RAB27A: variants seen among roughly 807,000 people sequenced by gnomAD.
RAB27A encodes RAB27A, member RAS oncogene family.
RAB27A carries 17 observed loss-of-function variants against 20.8 expected under a neutral mutation model. The observed-to-expected ratio is 0.82, with a 90% confidence interval of 0.56 to 1.23. The LOEUF (loss-of-function observed/expected upper bound fraction) is 1.23, where lower values mean the gene tolerates loss of function less well. Among genes scored for constraint, RAB27A ranks in the 50% most tolerant of loss-of-function variants. The pLI is 0.00. For missense variants in RAB27A, 277 were observed against 266.7 expected, an observed-to-expected ratio of 1.04 and a Z score of -0.27; for synonymous variants, 85 against 92.8, an observed-to-expected ratio of 0.92 and a Z score of 0.48.
intron 5 of RAB27A, among the ~76,000 whole-genome samples, chr15:55,228,349 G>C (rs1895890556): frequency 6.6e-6 from 1 of 152,198 alleles, no homozygotes; most frequent in South Asian, 2.1e-4. Flanking sequence ...CTGTGGGATA[G>C]ACTGAAGAGG....
chr15:55,234,736 GTTGAC>G, intron 3 of RAB27A, 41 bp downstream of exon 3: 2 of 1,560,798 alleles, frequency 1.3e-6, no homozygotes, highest in Non-Finnish European at 1.8e-6. Flanking sequence ...ACCAGCAAAT[GTTGAC>G]TTAACGATTA....
intron 1 of RAB27A, among the ~76,000 whole-genome samples, chr15:55,278,575 T>C (rs7165747): frequency 0.99 from 150,832 of 151,670 alleles, 75,009 homozygotes; most frequent in East Asian, 1. Flanking sequence ...CTCCACCTCC[T>C]GGGTTCACGC....
At chr15:55,232,800 T>C (rs1896084386) in intron 3 of RAB27A, among the ~76,000 whole-genome samples, 1 of 152,150 alleles carries the variant, frequency 6.6e-6, no homozygotes, top group South Asian at 2.1e-4. Context: ...TGGTTTTTCT[T>C]TGTAGCCCTT....
At position 55,240,122 on chromosome 15, in the gene RAB27A, C is replaced by A. The variant is rs534912599; in HGVS notation, c.-22-5166G>T. ...AATTTTTGTTCTCTTATTTATTATT[C>A]AAGTCCTGAGTAGTATTCCTAGGGC... On this transcript the variant is annotated intron_variant, in intron 2 of 6. Transcript: ENST00000336787. 3.4e-4 allele frequency among the ~76,000 whole-genome samples: 52 copies of A among 152,258 alleles called. No homozygotes were observed. The South Asian group carries it at 1.0e-2, about 29-fold the overall frequency.
intron 2 of RAB27A, among the ~76,000 whole-genome samples, chr15:55,300,090 G>A (rs188922032): frequency 1.3e-5 from 2 of 152,078 alleles, no homozygotes; most frequent in East Asian, 3.9e-4. Flanking sequence ...AAAGTGCTGG[G>A]ATTACAGGCA....
intron 6 of RAB27A, among the ~76,000 whole-genome samples, chr15:55,212,746 G>T (rs953532890): frequency 1.5e-4 from 23 of 152,068 alleles, no homozygotes; most frequent in Admixed American, 2.6e-4. Flanking sequence ...AGACAGGATG[G>T]TCTCGATCTC....
intron 2 of RAB27A, among the ~76,000 whole-genome samples, chr15:55,253,905 G>A (rs1020607497): frequency 1.3e-5 from 2 of 152,168 alleles, no homozygotes; most frequent in East Asian, 3.8e-4. Context: ...AAGTATCCAC[G>A]TGTTTATAAC....
chr15:55,212,317 G>C (rs1276835358), intron 6 of RAB27A, among the ~76,000 whole-genome samples: 1 of 152,202 alleles, frequency 6.6e-6, no homozygotes, highest in East Asian at 1.9e-4. Context: ...TTTAACCATA[G>C]GTTCTACTGG....
intron 2 of RAB27A, among the ~76,000 whole-genome samples, chr15:55,241,553 T>C (rs1411402047): frequency 6.7e-6 from 1 of 149,088 alleles, no homozygotes; most frequent in Non-Finnish European, 1.5e-5. Context: ...GAAGGATGGC[T>C]TGACGTCAGG....
intron 3 of RAB27A, among the ~76,000 whole-genome samples, chr15:55,232,378 G>C (rs939494720): frequency 5.3e-5 from 8 of 152,132 alleles, no homozygotes; most frequent in Admixed American, 2.0e-4. Flanking sequence ...GAAAGAATCT[G>C]AGTTTCTAGA....
intron 2 of RAB27A, among the ~76,000 whole-genome samples, chr15:55,244,040 C>A (rs1216452183): frequency 6.6e-6 from 1 of 152,174 alleles, no homozygotes; most frequent in Admixed American, 6.5e-5. Flanking sequence ...GTGGCTCACA[C>A]CTGTAATCCC....
intron 6 of RAB27A, among the ~76,000 whole-genome samples, chr15:55,217,076 C>T (rs2140937562): frequency 6.6e-6 from 1 of 152,302 alleles, no homozygotes; most frequent in South Asian, 2.1e-4. Flanking sequence ...AGATTTGTAA[C>T]TCCAAATTCA....
At chr15:55,218,267 GCTGA>G (rs1326938680) in intron 6 of RAB27A, among the ~76,000 whole-genome samples, 3 of 152,200 alleles carry the variant, frequency 2.0e-5, no homozygotes, top group Non-Finnish European at 4.4e-5. Context: ...TGGCTGGTGT[GCTGA>G]CTGTTTGAAC....
chr15:55,203,633 A>G lies in RAB27A; in HGVS notation c.*1874T>C, dbSNP rs1399691973. On this transcript the variant is annotated 3_prime_UTR_variant, in exon 7 of 7. Transcript: ENST00000336787. ...GAGATGGGGTTTCACTGTGTTAGCC[A>G]GGATGGTCTCGATCTCCTGACCTCG... is the stretch of plus-strand genomic sequence containing the variant. 1 of 147,312 alleles carries G rather than the reference A, an allele frequency of 6.8e-6. No homozygotes were observed. The highest frequency in any genetic ancestry group is 1.5e-5 in the Non-Finnish European group (1 of 67,174). The allele number at this position is 147,312 out of a possible 1,614,324, so 9.1% of individuals were successfully genotyped here. A position where few individuals can be genotyped will look rare whatever the true frequency, so the allele number is the denominator to read the frequency against.
chr15:55,247,482 A>G (rs1009814792), intron 2 of RAB27A, among the ~76,000 whole-genome samples: 4 of 152,226 alleles, frequency 2.6e-5, no homozygotes, highest in African/African-American at 9.6e-5. Flanking sequence ...GGAATCTGTC[A>G]AGACTCATCT....
chr15:55,219,236 C>T (rs1397857015), intron 6 of RAB27A, among the ~76,000 whole-genome samples: 1 of 152,168 alleles, frequency 6.6e-6, no homozygotes, highest in East Asian at 1.9e-4. Context: ...AAGGTCCCTT[C>T]CCAGCCTATA....
chr15:55,224,036 A>G (rs1463587032), intron 5 of RAB27A, 24 bp from the exon 6 acceptor site: 1 of 1,501,228 alleles, frequency 6.7e-7, no homozygotes, highest in Admixed American at 1.7e-5. Context: ...AAAGTTTATT[A>G]TATATGTAAA....
intron 1 of RAB27A, among the ~76,000 whole-genome samples, chr15:55,271,279 C>T (rs1897697861): frequency 6.6e-6 from 1 of 152,208 alleles, no homozygotes; most frequent in Non-Finnish European, 1.5e-5. Flanking sequence ...GTCCAGCCAT[C>T]AGTACGTTTT....
intron 2 of RAB27A, among the ~76,000 whole-genome samples, chr15:55,303,273 C>T (rs1595755753): frequency 1.8e-5 from 2 of 110,562 alleles, no homozygotes; most frequent in South Asian, 3.2e-4. Flanking sequence ...GGGTCAGCCC[C>T]CCGCCTGGCC....
Sources: allele counts gnomAD v4.1 joint callset (sites outside exome capture counted in the v4.1 genomes callset), GRCh38; gene constraint gnomAD v4.1.1; transcripts MANE v1.5; gene names NCBI Gene and HGNC (gene_info 2026-07-23, HGNC 2026-07-21).